CPAMD8: variants seen among roughly 807,000 people sequenced by gnomAD.
The protein encoded by CPAMD8 is C3 and PZP-like alpha-2-macroglobulin domain-containing protein 8.
Under a neutral mutation model 224.7 loss-of-function variants are expected in CPAMD8, and 146 were observed. The observed-to-expected ratio is 0.65, with a 90% CI of 0.57 to 0.75. The LOEUF (loss-of-function observed/expected upper bound fraction) is 0.75, where lower values mean the gene tolerates loss of function less well. Ranked by LOEUF, CPAMD8 falls within the 30% of genes least tolerant of loss-of-function variation. The probability of loss-of-function intolerance (pLI) is 0.00; values close to 1 mark genes in which losing one functional copy is unlikely to be tolerated. For synonymous variants in CPAMD8, 966 were observed against 1,044.6 expected, an observed-to-expected ratio of 0.92 and a Z score of 1.45; for missense variants, 2,301 against 2,537.5, an observed-to-expected ratio of 0.91 and a Z score of 2.00.
Position 16,902,751 on chromosome 19 carries a change from G to A in CPAMD8, c.4583C>T (p.Ala1528Val). The A allele has an allele frequency of 6.3e-7, 1 of 1,595,884 alleles. No individual in the cohort carries two copies. Among genetic ancestry groups the A allele is most frequent in the South Asian group, 1.1e-5 (1 of 89,996 alleles). The change falls in exon 35 of 42, where the codon GCA (alanine) becomes GTA (valine). Residue 1528 changes from alanine (A) to valine (V), a missense_variant. Ala to Val is a moderately conservative substitution (Grantham distance 64, BLOSUM62 0). This residue lies in a region of CPAMD8 where 1,709 missense variants were observed against 1,753.2 expected (regional missense o/e 0.97). Transcript: ENST00000443236. ...CCAGTCTCCTCGGGAACCCTCAGCTGCGGAGGCAGGCATGGGGGGCGGGCG... is the reference window on the plus strand; with the variant it reads ...CCAGTCTCCTCGGGAACCCTCAGCTACGGAGGCAGGCATGGGGGGCGGGCG... The part of the protein sequence containing the change: ...QGRPPPMPAS[A>V]AEGSRGDWPP...
At chr19:17,017,963 G>A (rs2056855262) in intron 3 of CPAMD8, among the ~76,000 whole-genome samples, 1 of 151,640 alleles carries the variant, frequency 6.6e-6, no homozygotes, top group African/African-American at 2.4e-5. Context: ...AACCCAGGAA[G>A]CGGAGGTTGC....
At chr19:16,946,262 ATGTG>A (rs1351324136) in intron 21 of CPAMD8, among the ~76,000 whole-genome samples, 3 of 144,396 alleles carry the variant, frequency 2.1e-5, no homozygotes, top group Non-Finnish European at 4.5e-5. Flanking sequence ...ACATGTGGGC[ATGTG>A]TGTGTGTGGA....
chr19:16,997,041 G>T, intron 11 of CPAMD8, 70 bp downstream of exon 11: 5 of 932,512 alleles, frequency 5.4e-6, no homozygotes, highest in African/African-American at 1.6e-5. Flanking sequence ...CCACTGCAGA[G>T]CTAGTGGCTA....
chr19:16,935,457 C>T (rs375954204), intron 23 of CPAMD8, among the ~76,000 whole-genome samples: 2 of 152,126 alleles, frequency 1.3e-5, no homozygotes, highest in African/African-American at 4.8e-5. Flanking sequence ...CTAATATGAC[C>T]TCCATTTATA....
At chr19:16,944,106 AGAT>A (rs1162913630) in intron 22 of CPAMD8, among the ~76,000 whole-genome samples, 8 of 152,152 alleles carry the variant, frequency 5.3e-5, no homozygotes, top group African/African-American at 1.9e-4. Flanking sequence ...GGCCGTGCAC[AGAT>A]GATGATTCCC....
chr19:16,894,648 G>A (rs1373694544), intron 41 of CPAMD8: 1 of 355,342 alleles, frequency 2.8e-6, no homozygotes, highest in Non-Finnish European at 5.7e-6. Flanking sequence ...CCACAGTGAT[G>A]GGCTCTGGGT....
chr19:16,935,965 T>C (rs1173496048), intron 23 of CPAMD8, among the ~76,000 whole-genome samples: 2 of 151,934 alleles, frequency 1.3e-5, no homozygotes, highest in African/African-American at 2.4e-5. Context: ...ACTCACTCTG[T>C]CGCCTAGGCT....
chr19:17,008,456 G>C, intron 7 of CPAMD8, 49 bp downstream of exon 7: 1 of 1,605,690 alleles, frequency 6.2e-7, no homozygotes, highest in Non-Finnish European at 8.5e-7. Context: ...TGTTTTCCTG[G>C]AAGGTTTATC....
rs149993140 is a variant in CPAMD8 at position 16,932,090 on chromosome 19, T to G, written c.2846-2850A>C. 5.8e-3 allele frequency among the ~76,000 whole-genome samples: 874 copies of G among 151,650 alleles called. 5 individuals are homozygous for G. The highest frequency in any genetic ancestry group is 0.02 in the African/African-American group (805 of 41,058). On this transcript the variant is annotated intron_variant, in intron 23 of 41. Transcript: ENST00000443236. ...AACACAATAATTCTTGAGCAACAGA[T>G]TCCAGTAAAAAAAAAAATGTATGTA...
chr19:16,905,146 C>A (rs2052420196), intron 30 of CPAMD8, among the ~76,000 whole-genome samples: 1 of 151,930 alleles, frequency 6.6e-6, no homozygotes, highest in African/African-American at 2.4e-5. Context: ...GAGGCTGAGG[C>A]AGGAGAATTG....
chr19:16,970,289 T>C (rs955429267), intron 18 of CPAMD8, among the ~76,000 whole-genome samples: 16 of 150,274 alleles, frequency 1.1e-4, no homozygotes, highest in African/African-American at 3.9e-4. Context: ...TGTTATTTAG[T>C]TAAAATTTTC....
chr19:16,994,740 A>G (rs1170772561), intron 11 of CPAMD8, among the ~76,000 whole-genome samples: 2 of 152,020 alleles, frequency 1.3e-5, no homozygotes, highest in African/African-American at 4.8e-5. Flanking sequence ...GGCTGGTCTC[A>G]AACTCCCAGT....
In CPAMD8 at chr19:16,899,865, G is replaced by A. The variant is rs2052179208; in HGVS notation, c.4774-316C>T. On this transcript the variant is annotated intron_variant, in intron 36 of 41. Transcript: ENST00000443236. The surrounding 1 kb of genome is among the most constrained non-coding windows in gnomAD (Gnocchi z 5.4). ...AGCCCTGCCGCCTGCTGGTGTCTCAGCTGCACTGTTCAAGTTCCCCTCCCA... is the reference window on the plus strand; with the variant it reads ...AGCCCTGCCGCCTGCTGGTGTCTCAACTGCACTGTTCAAGTTCCCCTCCCA... Among the ~76,000 whole-genome samples the A allele has an allele frequency of 6.6e-6, 1 of 151,278 alleles. No individual in the cohort carries two copies. Among genetic ancestry groups the A allele is most frequent in the African/African-American group, 2.4e-5 (1 of 41,140 alleles).
chr19:16,896,473 G>T lies in CPAMD8; in HGVS notation c.5258C>A (p.Pro1753His). 7 of 1,443,504 alleles carry T rather than the reference G, an allele frequency of 4.8e-6. No individual in the cohort carries two copies. The South Asian group carries it at 1.0e-4, about 21-fold the overall frequency. 89.4% of individuals were successfully genotyped at this position (1,443,504 alleles called of 1,614,324 possible). The change falls in exon 40 of 42, where the codon CCC becomes CAC. Residue 1753 changes from proline to histidine, a missense_variant. This residue lies in a region of CPAMD8 where 1,709 missense variants were observed against 1,753.2 expected (regional missense o/e 0.97). Transcript: ENST00000443236. The stretch of plus-strand genomic sequence containing the variant: ...GTCCTCACCGAGGGCGCAGCAGCTG[G>T]GAGGCGCGGGCTCCAGGGGCGCGGC... Reference protein sequence around the residue: ...RQAAPLEPAPPSCCALEQRLP... With the variant: ...RQAAPLEPAPHSCCALEQRLP...
At chr19:16,993,700 G>T in intron 11 of CPAMD8, 114 bp from the exon 12 acceptor site, 1 of 952,562 alleles carries the variant, frequency 1.0e-6, no homozygotes, top group Non-Finnish European at 1.6e-6. Context: ...TGTAGAAATT[G>T]ACAAACTGCT....
At chr19:16,906,156 C>G (rs1040960375) in intron 30 of CPAMD8, among the ~76,000 whole-genome samples, 1 of 152,086 alleles carries the variant, frequency 6.6e-6, no homozygotes, top group Admixed American at 6.5e-5. Context: ...GTGACTTGGA[C>G]AAGCCACTTC....
intron 22 of CPAMD8, among the ~76,000 whole-genome samples, chr19:16,943,832 C>G (rs2053984840): frequency 6.6e-6 from 1 of 152,190 alleles, no homozygotes; most frequent in East Asian, 1.9e-4. Flanking sequence ...CCATCCGAAT[C>G]TGGGGCTCTC....
intron 3 of CPAMD8, 78 bp from the exon 4 acceptor site, chr19:17,011,835 C>T: frequency 6.7e-7 from 1 of 1,501,162 alleles, no homozygotes; most frequent in Non-Finnish European, 9.0e-7. Context: ...AGTTTGGAGG[C>T]CTGGAACAGG....
At chr19:17,019,971 C>CTTTTTTTTTTTTTTTTTTT (rs569150151) in intron 3 of CPAMD8, among the ~76,000 whole-genome samples, 13 of 97,884 alleles carry the variant, frequency 1.3e-4, no homozygotes, top group African/African-American at 3.2e-4. Context: ...TTTTTCTTTT[C>CTTTTTTTTTTTTTTTTTTT]TTTTTTTTTT....
Sources: gnomAD v4.1 joint callset for allele counts (sites outside exome capture counted in the v4.1 genomes callset) on GRCh38, gnomAD v4.1.1 for gene constraint, gnomAD v4.1.1 regional missense constraint, Gnocchi (gnomAD v3.1) non-coding constraint, MANE v1.5 for transcripts, NCBI Gene and HGNC (gene_info 2026-07-23, HGNC 2026-07-21) for gene names.